Variants in COA1 observed in about 807,000 individuals in gnomAD.
The protein encoded by COA1 is cytochrome c oxidase assembly factor 1.
In COA1, 13 loss-of-function variants were observed where a neutral mutation model predicts 16.0. That is an observed-to-expected ratio of 0.81 (90% CI 0.53 to 1.29). The LOEUF (loss-of-function observed/expected upper bound fraction) is 1.29, where lower values mean the gene tolerates loss of function less well. Among genes scored for constraint, COA1 ranks in the 50% most tolerant of loss-of-function variants. The probability of loss-of-function intolerance (pLI) is 0.00; values close to 1 mark genes in which losing one functional copy is unlikely to be tolerated. For synonymous variants in COA1, 65 were observed against 65.7 expected (o/e 0.99, Z 0.05); for missense variants, 179 against 177.0 (o/e 1.01, Z -0.06).
Position 43,645,378 on chromosome 7 carries a change from T to C in COA1, c.137A>G (p.Tyr46Cys), listed in dbSNP as rs2088958091. The C allele has an allele frequency of 6.2e-7, 1 of 1,614,098 alleles. No individual in the cohort carries two copies. The highest frequency in any genetic ancestry group is 8.5e-7 in the Non-Finnish European group (1 of 1,179,960). ...CAGCTGCTCCACTGCCAACTTGTAA[T>C]ATAAAGCCCTGGAATGAAACTCTAA... is the stretch of plus-strand genomic sequence containing the variant. ...LIQKFHSRAL[Y>C]YKLAVEQLQS... is the part of the protein sequence containing the mutation. Residue 46 changes from tyrosine (Y) to cysteine (C), a missense_variant, in exon 4 of 6, where the codon TAT becomes TGT. By Grantham distance (194) the Tyr-to-Cys change is radical. Transcript: ENST00000223336.
At chr7:43,682,554 T>C (rs1396680429) in intron 1 of COA1, among the ~76,000 whole-genome samples, 2 of 152,218 alleles carry the variant, frequency 1.3e-5, no homozygotes, top group Non-Finnish European at 2.9e-5. Context: ...GACATAATTA[T>C]TGTAAACATC....
intron 1 of COA1, among the ~76,000 whole-genome samples, chr7:43,672,573 C>T (rs2093323520): frequency 6.6e-6 from 1 of 152,080 alleles, no homozygotes; most frequent in Non-Finnish European, 1.5e-5. Flanking sequence ...AGATGGAGAC[C>T]ATCCTGGCCA....
At chr7:43,668,393 A>G (rs1293347689) in intron 1 of COA1, among the ~76,000 whole-genome samples, 1 of 152,212 alleles carries the variant, frequency 6.6e-6, no homozygotes, top group Non-Finnish European at 1.5e-5. Context: ...CCTATGTAGA[A>G]ATAACCACTC....
rs539560845 is a variant in COA1 at position 43,701,935 on chromosome 7, G to C, written c.-39+27494C>G. Among the ~76,000 whole-genome samples the C allele has an allele frequency of 5.3e-5, 8 of 151,798 alleles. No homozygotes were observed. The South Asian group carries it at 1.5e-3, about 28-fold the overall frequency. The stretch of plus-strand genomic sequence containing the variant: ...CCACTCTTTAATGGGGTTGTTTTCT[G>C]CTTGTAAGTTTGCTTAAGTTCCTTA... On this transcript the variant is annotated intron_variant, in intron 1 of 5. Transcript: ENST00000223336.
At chr7:43,635,107 G>C (rs1043741190), downstream of COA1, among the ~76,000 whole-genome samples, 1 of 152,000 alleles carries the variant, frequency 6.6e-6, no homozygotes, top group African/African-American at 2.4e-5. Context: ...CTAGAAAGTA[G>C]CTTAATTTAT....
At chr7:43,623,739 TA>T in intron 6 of COA1, 13 of 1,606,678 alleles carry the variant, frequency 8.1e-6, no homozygotes, top group Non-Finnish European at 1.1e-5. Context: ...ATGTCATGCT[TA>T]CAGGAATATC....
intron 6 of COA1, among the ~76,000 whole-genome samples, chr7:43,628,649 G>A (rs930124217): frequency 1.4e-4 from 22 of 152,152 alleles, no homozygotes; most frequent in African/African-American, 5.1e-4. Flanking sequence ...CCATGCTTCT[G>A]GATATGTGGC....
intron 2 of COA1, 131 bp downstream of exon 2, chr7:43,648,469 T>TA: frequency 1.0e-6 from 1 of 956,698 alleles, no homozygotes. Flanking sequence ...CCTGTGAAGT[T>TA]AAAGCACAAG....
chr7:43,721,026 A>T (rs1308990813), intron 1 of COA1, among the ~76,000 whole-genome samples: 1 of 152,222 alleles, frequency 6.6e-6, no homozygotes, highest in Non-Finnish European at 1.5e-5. Context: ...CCTACATGTG[A>T]TAGAGAAGGC....
chr7:43,645,553 G>T, intron 3 of COA1, 154 bp from the exon 4 acceptor site: 2 of 663,526 alleles, frequency 3.0e-6, no homozygotes, highest in East Asian at 2.8e-5. Flanking sequence ...ACTCTAAATT[G>T]TCCATTTTAC....
intron 1 of COA1, among the ~76,000 whole-genome samples, chr7:43,676,097 A>ATAAG (rs1484943080): frequency 2.6e-5 from 4 of 152,170 alleles, no homozygotes; most frequent in African/African-American, 9.7e-5. Context: ...TACAACTTAA[A>ATAAG]ACATTAAATT....
At chr7:43,699,488 G>T (rs1031356251) in intron 1 of COA1, among the ~76,000 whole-genome samples, 1 of 152,042 alleles carries the variant, frequency 6.6e-6, no homozygotes, top group Non-Finnish European at 1.5e-5. Context: ...ATTAGCAAAG[G>T]TATGTTTTAT....
chr7:43,682,374 T>A (rs2093808523), intron 1 of COA1, among the ~76,000 whole-genome samples: 1 of 152,206 alleles, frequency 6.6e-6, no homozygotes, highest in African/African-American at 2.4e-5. Context: ...AGAAAGCATA[T>A]CATACATGGC....
intron 6 of COA1, among the ~76,000 whole-genome samples, chr7:43,610,033 A>G (rs952301523): frequency 9.2e-5 from 14 of 152,376 alleles, no homozygotes; most frequent in African/African-American, 3.4e-4. Context: ...ACTTCAGGCC[A>G]GGGGCCACTT....
chr7:43,673,242 A>G (rs1021239725), intron 1 of COA1, among the ~76,000 whole-genome samples: 19 of 152,224 alleles, frequency 1.2e-4, no homozygotes, highest in African/African-American at 4.6e-4. Flanking sequence ...AGAAGAAAAT[A>G]TGTGCAAATT....
intron 1 of COA1, among the ~76,000 whole-genome samples, chr7:43,709,475 T>C (rs1455955538): frequency 6.6e-6 from 1 of 151,118 alleles, no homozygotes; most frequent in Non-Finnish European, 1.5e-5. Flanking sequence ...TGTGTGTGTA[T>C]ACGCATGAAC....
chr7:43,687,324 T>C (rs1012152725), intron 1 of COA1, among the ~76,000 whole-genome samples: 9 of 152,104 alleles, frequency 5.9e-5, no homozygotes, highest in African/African-American at 9.7e-5. Context: ...GACAAGAAAA[T>C]AGGAAAAACA....
chr7:43,649,707 C>T (rs2090365345), intron 1 of COA1: 1 of 152,266 alleles, frequency 6.6e-6, no homozygotes, highest in Admixed American at 6.5e-5. Flanking sequence ...CCTTGTAGGG[C>T]ACCATGCACA....
chr7:43,641,427 A>T (rs1431296364), intron 4 of COA1: 1 of 152,210 alleles, frequency 6.6e-6, no homozygotes, highest in Non-Finnish European at 1.5e-5. Flanking sequence ...ACAAAATAAC[A>T]ATACAGATTC....
Sources: allele counts gnomAD v4.1 joint callset (sites outside exome capture counted in the v4.1 genomes callset), GRCh38; gene constraint gnomAD v4.1.1; transcripts MANE v1.5; gene names NCBI Gene and HGNC (gene_info 2026-07-23, HGNC 2026-07-21).